BFSP2: variants seen among roughly 807,000 people sequenced by gnomAD.
BFSP2 encodes phakinin.
BFSP2 carries 38 observed loss-of-function variants against 44.9 expected under a neutral mutation model. The observed-to-expected ratio is 0.85, with a 90% CI of 0.65 to 1.11. The LOEUF is 1.11. Ranked by LOEUF, BFSP2 falls within the 50% of genes least tolerant of loss-of-function variation. BFSP2 has a pLI of 0.00. For synonymous variants in BFSP2, 197 were observed against 209.9 expected (o/e 0.94, Z 0.53); for missense variants, 525 against 533.0 (o/e 0.99, Z 0.15).
chr3:133,472,951 C>CTTT (rs745554127), intron 6 of BFSP2, among the ~76,000 whole-genome samples: 113 of 142,132 alleles, frequency 8.0e-4, no homozygotes, highest in Middle Eastern at 3.7e-3. Flanking sequence ...CCCTGCGCAT[C>CTTT]TTTTTTTTTT....
chr3:133,431,869 C>A (rs142704063), intron 1 of BFSP2, among the ~76,000 whole-genome samples: 3,325 of 152,222 alleles, frequency 0.022, 126 homozygotes, highest in African/African-American at 0.075. Context: ...CCACCTGCCC[C>A]GTTCCCTTAT....
At chr3:133,422,706 G>A (rs933292695) in intron 1 of BFSP2, among the ~76,000 whole-genome samples, 6 of 150,282 alleles carry the variant, frequency 4.0e-5, no homozygotes, top group Non-Finnish European at 8.9e-5. Context: ...TGAGGCTCAG[G>A]TGGTAGCCTA....
At chr3:133,453,201 T>G (rs1015155009) in intron 4 of BFSP2, among the ~76,000 whole-genome samples, 1 of 152,236 alleles carries the variant, frequency 6.6e-6, no homozygotes, top group African/African-American at 2.4e-5. Flanking sequence ...TTTTGTCAGT[T>G]GCAGTTGTGC....
At chr3:133,420,536 T>C (rs1385108145) in intron 1 of BFSP2, among the ~76,000 whole-genome samples, 4 of 152,164 alleles carry the variant, frequency 2.6e-5, no homozygotes, top group Non-Finnish European at 5.9e-5. Flanking sequence ...GGTCTGATTA[T>C]TGCTGATATT....
intron 1 of BFSP2, among the ~76,000 whole-genome samples, chr3:133,423,276 C>T (rs2073610729): frequency 6.6e-6 from 1 of 152,112 alleles, no homozygotes. Context: ...TCTGGTTTTG[C>T]CATTGACTGG....
chr3:133,416,857 A>C (rs1576563474), intron 1 of BFSP2, among the ~76,000 whole-genome samples: 13 of 71,512 alleles, frequency 1.8e-4, no homozygotes, highest in East Asian at 3.9e-4. Flanking sequence ...TCTCCCCTTT[A>C]CTCACCCCGC....
intron 4 of BFSP2, among the ~76,000 whole-genome samples, chr3:133,462,884 G>A (rs2074076556): frequency 6.6e-6 from 1 of 152,160 alleles, no homozygotes; most frequent in Non-Finnish European, 1.5e-5. Flanking sequence ...ATTTGTTACT[G>A]GTGGCAAATC....
rs2073356661 is a variant in BFSP2 at position 133,400,750 on chromosome 3, C to T, written c.489+178C>T. Among the ~76,000 whole-genome samples the T allele has an allele frequency of 6.6e-6, 1 of 152,176 alleles. No homozygotes were observed. Among genetic ancestry groups the T allele is most frequent in the Non-Finnish European group, 1.5e-5 (1 of 68,036 alleles). On this transcript the variant is annotated intron_variant, in intron 1 of 6. Transcript: ENST00000302334. This position sits in a 1 kb window ranked among gnomAD's most constrained non-coding sequence, Gnocchi z 4.0. ...CCTTTTACCGAGGTTTACTAGGAGCCCACGCTAGCCCCCATACGTGCACTA... is the reference window on the plus strand; with the variant it reads ...CCTTTTACCGAGGTTTACTAGGAGCTCACGCTAGCCCCCATACGTGCACTA...
chr3:133,413,745 G>A (rs2073478105), intron 1 of BFSP2, among the ~76,000 whole-genome samples: 2 of 152,024 alleles, frequency 1.3e-5, no homozygotes, highest in African/African-American at 2.4e-5. Context: ...AGGAGGGAGT[G>A]AATGCAGGGC....
Position 133,467,375 on chromosome 3 carries a change from T to G in BFSP2, c.1023+416T>G, listed in dbSNP as rs188811227. On this transcript the variant is annotated intron_variant, in intron 5 of 6. Coordinates refer to ENST00000302334, the MANE Select transcript of BFSP2 (RefSeq NM_003571.4). Reference sequence around the variant, plus strand: ...CCTTTTGCTTCAACATGGAGCTAGCTCCATGCTATAGAGCTCTCCATAGGA... The same window carrying G: ...CCTTTTGCTTCAACATGGAGCTAGCGCCATGCTATAGAGCTCTCCATAGGA... Among the ~76,000 whole-genome samples the G allele has an allele frequency of 6.1e-3, 935 of 152,304 alleles. 14 individuals are homozygous for G. Among genetic ancestry groups the G allele is most frequent in the African/African-American group, 0.021 (871 of 41,558 alleles).
chr3:133,411,790 T>C (rs927684784), intron 1 of BFSP2, among the ~76,000 whole-genome samples: 8 of 151,984 alleles, frequency 5.3e-5, no homozygotes, highest in African/African-American at 1.9e-4. Flanking sequence ...ATCCAAACTC[T>C]GGGAAACTAT....
chr3:133,474,749 A>C (rs889456450), intron 6 of BFSP2, among the ~76,000 whole-genome samples: 1 of 152,184 alleles, frequency 6.6e-6, no homozygotes, highest in African/African-American at 2.4e-5. Flanking sequence ...CAACCTCATG[A>C]TCCGTGTTTT....
At chr3:133,470,496 T>C (rs2074152292) in intron 5 of BFSP2, among the ~76,000 whole-genome samples, 1 of 152,252 alleles carries the variant, frequency 6.6e-6, no homozygotes, top group Non-Finnish European at 1.5e-5. Flanking sequence ...AGGTGAACCA[T>C]AGTTAAAACT....
chr3:133,455,359 TC>T (rs2074004331), intron 4 of BFSP2: 1 of 152,214 alleles, frequency 6.6e-6, no homozygotes, highest in Admixed American at 6.5e-5. Flanking sequence ...CAGAGTTTGT[TC>T]GGGTTCTTGG....
chr3:133,413,610 T>C (rs1336070624), intron 1 of BFSP2, among the ~76,000 whole-genome samples: 2 of 152,064 alleles, frequency 1.3e-5, no homozygotes, highest in Non-Finnish European at 2.9e-5. Context: ...TAAAACCTAG[T>C]TTATTGTCGT....
chr3:133,410,024 G>A, intron 1 of BFSP2: 1 of 181,944 alleles, frequency 5.5e-6, no homozygotes, highest in African/African-American at 2.4e-5. Context: ...AATTCAACAG[G>A]ACGAAGTTGC....
At chr3:133,410,427 C>G (rs147697966) in intron 1 of BFSP2, 1 of 288,490 alleles carries the variant, frequency 3.5e-6, no homozygotes, top group East Asian at 1.0e-4. Flanking sequence ...GCACTCCAAG[C>G]CGCGCTCTTC....
chr3:133,463,057 C>G (rs537713814), intron 4 of BFSP2, among the ~76,000 whole-genome samples: 32 of 152,226 alleles, frequency 2.1e-4, no homozygotes, highest in Admixed American at 5.9e-4. Flanking sequence ...GCCTGAAATC[C>G]CAGCACTTTG....
chr3:133,432,634 C>T (rs2073734663), intron 1 of BFSP2, among the ~76,000 whole-genome samples: 1 of 152,196 alleles, frequency 6.6e-6, no homozygotes, highest in Admixed American at 6.5e-5. Context: ...CACACCTCTG[C>T]TCCTTCAGCA....
Sources: gnomAD v4.1 joint callset for allele counts (sites outside exome capture counted in the v4.1 genomes callset) on GRCh38, gnomAD v4.1.1 for gene constraint, Gnocchi (gnomAD v3.1) non-coding constraint, MANE v1.5 for transcripts, NCBI Gene and HGNC (gene_info 2026-07-23, HGNC 2026-07-21) for gene names.